Variants in PGM1 observed in about 807,000 individuals in gnomAD.
The protein encoded by PGM1 is phosphoglucomutase 1, also known as phosphoglucomutase-1.
In PGM1, 52 loss-of-function variants were observed where a neutral mutation model predicts 55.6. The observed-to-expected ratio is 0.94, with a 90% CI of 0.75 to 1.18. The LOEUF (loss-of-function observed/expected upper bound fraction) is 1.18. PGM1 is among the 50% of genes most tolerant of loss of function. The pLI is 0.00. For missense variants in PGM1, 724 were observed against 729.3 expected (o/e 0.99, Z 0.08); for synonymous variants, 287 against 271.7 (o/e 1.06, Z -0.55).
intron 1 of PGM1, among the ~76,000 whole-genome samples, chr1:63,622,404 A>C (rs1648904891): frequency 6.6e-6 from 1 of 152,242 alleles, no homozygotes; most frequent in Non-Finnish European, 1.5e-5. Flanking sequence ...AAATTTATTT[A>C]GGTAAAATAT....
intron 10 of PGM1, among the ~76,000 whole-genome samples, chr1:63,656,251 A>G (rs1649962693): frequency 6.6e-6 from 1 of 152,184 alleles, no homozygotes; most frequent in Admixed American, 6.5e-5. Context: ...ACCTGTTAGG[A>G]TGGCTGTTCT....
In PGM1 at chr1:63,653,543, TAC is replaced by T. The variant is rs1649876382; in HGVS notation, c.1465-787_1465-786del. ...TGGTGTTATGCAAGGTTCTCCTTTT[TAC>T]AGAGGATGGATAGACTCATAAAGAC... On this transcript the variant is annotated intron_variant, in intron 9 of 10. Transcript: ENST00000371084. Among the ~76,000 whole-genome samples the T allele has an allele frequency of 2.0e-5, 3 of 152,300 alleles. No individual in the cohort carries two copies. In the South Asian group the frequency reaches 6.2e-4, roughly 32 times the overall value.
chr1:63,598,134 G>C (rs1157645044), intron 1 of PGM1, among the ~76,000 whole-genome samples: 2 of 152,018 alleles, frequency 1.3e-5, no homozygotes, highest in Non-Finnish European at 2.9e-5. Context: ...ACCATGCCTG[G>C]CTAATTGTTT....
At chr1:63,632,696 T>C (rs1484811895) in intron 4 of PGM1, among the ~76,000 whole-genome samples, 1 of 152,158 alleles carries the variant, frequency 6.6e-6, no homozygotes, top group Non-Finnish European at 1.5e-5. Context: ...TGTGCAATGT[T>C]TGGGGAGACG....
chr1:63,628,512 A>T (rs980236264), intron 1 of PGM1, among the ~76,000 whole-genome samples: 7 of 152,326 alleles, frequency 4.6e-5, no homozygotes, highest in African/African-American at 1.7e-4. Context: ...ATCTTCCACC[A>T]TCAAGTTGTT....
At chr1:63,651,329 T>C (rs955936611) in intron 8 of PGM1, 1 of 285,418 alleles carries the variant, frequency 3.5e-6, no homozygotes, top group African/African-American at 2.2e-5. Context: ...AACATTGCTT[T>C]TCATTTTACC....
Position 63,634,835 on chromosome 1 carries a change from G to T in PGM1, c.689G>T (p.Gly230Val). The change falls in exon 5 of 11, where the codon GGA becomes GTA. Residue 230 changes from glycine (G) to valine (V), a missense_variant. Transcript: ENST00000371084. ...TATTCCATGCTGTATATAGTTGTGGGACCGTATGTAAAGAAGATCCTCTGT... is the reference window on the plus strand; with the variant it reads ...TATTCCATGCTGTATATAGTTGTGGTACCGTATGTAAAGAAGATCCTCTGT... ...IRIDAMHGVV[G>V]PYVKKILCEE... 6.2e-7 allele frequency: 1 copy of T among 1,612,444 alleles called. No individual in the cohort carries two copies. The highest frequency in any genetic ancestry group is 8.5e-7 in the Non-Finnish European group (1 of 1,179,320).
intron 1 of PGM1, among the ~76,000 whole-genome samples, chr1:63,604,218 A>G (rs563642588): frequency 1.5e-4 from 23 of 152,324 alleles, no homozygotes; most frequent in African/African-American, 4.8e-4. Flanking sequence ...TTACGATTTT[A>G]TAGGTTCAAT....
At position 63,636,259 on chromosome 1, in the gene PGM1, A is replaced by G. The variant is rs776683086; in HGVS notation, c.899A>G (p.His300Arg). The change falls in exon 6 of 11, where the codon CAT becomes CGT. Residue 300 changes from histidine (H) to arginine (R), a missense_variant. This residue lies in a region of PGM1 where 29 missense variants were observed against 58.7 expected (regional missense o/e 0.49). Coordinates refer to ENST00000371084, the MANE Select transcript of PGM1 (RefSeq NM_002633.3). ...DGDRNMILGK[H>R]GFFVNPSDSV... ...GATCGAAACATGATTCTGGGCAAGC[A>G]TGGGTTCTTTGTGAACCCTTCAGAC... is the stretch of plus-strand genomic sequence containing the variant. The G allele has an allele frequency of 6.2e-6, 10 of 1,614,082 alleles. No individual in the cohort carries two copies. Among genetic ancestry groups the G allele is most frequent in the Non-Finnish European group, 8.5e-6 (10 of 1,180,008 alleles).
intron 1 of PGM1, among the ~76,000 whole-genome samples, chr1:63,600,713 G>A (rs1017608361): frequency 5.3e-4 from 80 of 152,296 alleles, no homozygotes; most frequent in African/African-American, 1.9e-3. Context: ...GCAGATATCC[G>A]TGAAAAGACT....
chr1:63,614,135 A>G lies in PGM1; in HGVS notation c.247-15290A>G, dbSNP rs191078925. ...TGATATTCACTGTGCTGAGCACTTT[A>G]CATGATCTCATATAGTCTTTTCAAC... On this transcript the variant is annotated intron_variant, in intron 1 of 10. Transcript: ENST00000371084. Among the ~76,000 whole-genome samples the G allele has an allele frequency of 7.9e-4, 120 of 152,336 alleles. 1 individual carries two copies. Among genetic ancestry groups the G allele is most frequent in the African/African-American group, 2.7e-3 (111 of 41,574 alleles).
chr1:63,648,655 G>A lies in PGM1; in HGVS notation c.1280+3G>A. 11 of 1,613,792 alleles carry A rather than the reference G, an allele frequency of 6.8e-6. No individual in the cohort carries two copies. Among genetic ancestry groups the A allele is most frequent in the Non-Finnish European group, 9.3e-6 (11 of 1,179,960 alleles). The stretch of plus-strand genomic sequence containing the variant: ...TATGGCCGGAATTTCTTCACCAGGT[G>A]AGCCACAGCCCAGCTGGGGTACAAG... On this transcript the variant is annotated splice_donor_region_variant and intron_variant, in intron 8 of 10. Coordinates refer to ENST00000371084, the MANE Select transcript of PGM1 (RefSeq NM_002633.3).
rs150266274 is a variant in PGM1 at position 63,651,788 on chromosome 1, C to A, written c.1400C>A (p.Thr467Asn). 1,107 of 1,613,986 alleles carry A rather than the reference C, an allele frequency of 6.9e-4. 4 individuals carry two copies. The highest frequency in any genetic ancestry group is 2.6e-4 in the Non-Finnish European group (311 of 1,179,928). Reference sequence around the variant, plus strand: ...TTCTCAGCAAATGACAAAGTTTACACTGTGGAGAAGGCCGATAACTTTGAA... The same window carrying A: ...TTCTCAGCAAATGACAAAGTTTACAATGTGGAGAAGGCCGATAACTTTGAA... ...KQFSANDKVY[T>N]VEKADNFEYS... is the part of the protein sequence containing the mutation. Residue 467 changes from threonine (T) to asparagine (N), a missense_variant, in exon 9 of 11, where the codon ACT (threonine) becomes AAT (asparagine). Thr to Asn is a moderately conservative substitution (Grantham distance 65). Transcript: ENST00000371084.
intron 9 of PGM1, among the ~76,000 whole-genome samples, chr1:63,653,689 G>A (rs944964407): frequency 1.3e-5 from 2 of 152,086 alleles, no homozygotes; most frequent in South Asian, 2.1e-4. Flanking sequence ...CAGAGATACC[G>A]CTGGGGAGGA....
intron 7 of PGM1, among the ~76,000 whole-genome samples, chr1:63,643,578 ACCTT>A (rs1376021084): frequency 6.6e-6 from 1 of 152,144 alleles, no homozygotes; most frequent in African/African-American, 2.4e-5. Context: ...TGAGGAGCTC[ACCTT>A]CCTTTCCAAG....
In PGM1 at chr1:63,629,952, A is replaced by G. The variant is rs141007881; in HGVS notation, c.420A>G (p.Pro140=). 3.0e-4 allele frequency: 490 copies of G among 1,613,994 alleles called. No homozygotes were observed. Among genetic ancestry groups the G allele is most frequent in the Non-Finnish European group, 3.7e-4 (432 of 1,179,972 alleles). Residue 140 remains proline (P), a synonymous_variant, in exon 3 of 11, where the codon CCA becomes CCG. Coordinates refer to ENST00000371084, the MANE Select transcript of PGM1 (RefSeq NM_002633.3). ...KFNISNGGPA[P]EAITDKIFQI... is the part of the protein sequence containing the mutation. Reference sequence around the variant, plus strand: ...CTGTTTGGTTTCCAGGTCCTGCTCCAGAAGCAATAACTGATAAAATTTTCC... The same window carrying G: ...CTGTTTGGTTTCCAGGTCCTGCTCCGGAAGCAATAACTGATAAAATTTTCC...
At chr1:63,658,379 T>C (rs1250150499) in intron 10 of PGM1, among the ~76,000 whole-genome samples, 1 of 149,810 alleles carries the variant, frequency 6.7e-6, no homozygotes, top group Non-Finnish European at 1.5e-5. Flanking sequence ...AAGCATTTAT[T>C]AAGCAACAGA....
At chr1:63,628,585 TCCC>T (rs1649101271) in intron 1 of PGM1, among the ~76,000 whole-genome samples, 1 of 152,136 alleles carries the variant, frequency 6.6e-6, no homozygotes, top group African/African-American at 2.4e-5. Flanking sequence ...TGTAAAAAAA[TCCC>T]TGTTTTTTAA....
chr1:63,643,377 T>TG (rs1649567325), intron 7 of PGM1, among the ~76,000 whole-genome samples: 1 of 152,202 alleles, frequency 6.6e-6, no homozygotes, highest in African/African-American at 2.4e-5. Flanking sequence ...GAGTGTAAAG[T>TG]GAAGTTTGTG....
Sources: allele counts gnomAD v4.1 joint callset (sites outside exome capture counted in the v4.1 genomes callset), GRCh38; gene constraint gnomAD v4.1.1; regional missense constraint gnomAD v4.1.1; transcripts MANE v1.5; gene names NCBI Gene and HGNC (gene_info 2026-07-23, HGNC 2026-07-21).